The following B4GALT4 variants were observed in gnomAD, a reference collection of about 807,000 sequenced individuals.
B4GALT4 encodes N-acetyllactosamine synthase.
B4GALT4 carries 27 observed loss-of-function variants against 37.3 expected under a neutral mutation model. The observed-to-expected ratio is 0.72, with a 90% CI of 0.53 to 1.00. B4GALT4 has a LOEUF of 1.00. Among genes scored for constraint, B4GALT4 ranks in the 50% least tolerant of loss-of-function variants. B4GALT4 has a pLI of 0.00. For missense variants in B4GALT4, 372 were observed against 413.1 expected (o/e 0.90, Z 0.86); for synonymous variants, 148 against 154.1 (o/e 0.96, Z 0.29).
At chr3:119,222,690 T>C (rs10511383) in intron 5 of B4GALT4, among the ~76,000 whole-genome samples, 9,408 of 152,278 alleles carry the variant, frequency 0.062, 417 homozygotes, top group Admixed American at 0.16. Flanking sequence ...CAGTGAACTA[T>C]TGCATTTTCC....
chr3:119,211,994 C>A lies in B4GALT4; in HGVS notation c.*555G>T, dbSNP rs2078173720. ...CCTTTGCAGCCGACACTCCACCCTC[C>A]TGCTACCTCTTCATTCCCAAGTTCA... On this transcript the variant is annotated 3_prime_UTR_variant, in exon 8 of 8. Transcript: ENST00000393765. 1.7e-6 allele frequency: 1 copy of A among 599,906 alleles called. No homozygotes were observed. The highest frequency in any genetic ancestry group is 1.8e-5 in the African/African-American group (1 of 54,176). 37.2% of individuals were successfully genotyped at this position (599,906 alleles called of 1,614,324 possible).
intron 4 of B4GALT4, among the ~76,000 whole-genome samples, chr3:119,226,083 C>A (rs1482630830): frequency 6.6e-6 from 1 of 152,092 alleles, no homozygotes; most frequent in Admixed American, 6.5e-5. Flanking sequence ...TTCTTGGCCT[C>A]CTTGGATGGC....
Position 119,212,102 on chromosome 3 carries a change from A to C in B4GALT4, c.*447T>G. 2.8e-6 allele frequency: 2 copies of C among 702,304 alleles called. No homozygotes were observed. Among genetic ancestry groups the C allele is most frequent in the South Asian group, 3.0e-5 (2 of 67,446 alleles). 43.5% of individuals were successfully genotyped at this position (702,304 alleles called of 1,614,324 possible). On this transcript the variant is annotated 3_prime_UTR_variant, in exon 8 of 8. Coordinates refer to ENST00000393765, the MANE Select transcript of B4GALT4 (RefSeq NM_003778.4). Reference sequence around the variant, plus strand: ...ACCACCACTTCACAGATGATTGTACAGGATAAATGAATAACAGTATTGTAT... The same window carrying C: ...ACCACCACTTCACAGATGATTGTACCGGATAAATGAATAACAGTATTGTAT...
At chr3:119,239,158 A>C (rs892077274) in intron 1 of B4GALT4, among the ~76,000 whole-genome samples, 3 of 151,932 alleles carry the variant, frequency 2.0e-5, no homozygotes, top group African/African-American at 7.3e-5. Flanking sequence ...AAACCCCATC[A>C]CTACTAAAAA....
intron 5 of B4GALT4, 38 bp from the exon 6 acceptor site, chr3:119,218,810 C>T (rs774447063): frequency 8.1e-6 from 13 of 1,611,552 alleles, no homozygotes; most frequent in Admixed American, 1.7e-5. Context: ...TAAGAATATT[C>T]GCACCAAAGG....
At chr3:119,238,683 T>C (rs974633736) in intron 1 of B4GALT4, among the ~76,000 whole-genome samples, 2 of 152,152 alleles carry the variant, frequency 1.3e-5, no homozygotes, top group Non-Finnish European at 2.9e-5. Context: ...TATGTATGCA[T>C]ATATAGAAAA....
chr3:119,219,392 T>A (rs1400948071), intron 5 of B4GALT4, among the ~76,000 whole-genome samples: 1 of 152,196 alleles, frequency 6.6e-6, no homozygotes, highest in East Asian at 1.9e-4. Context: ...GTGCTTTTCA[T>A]GAAAATAGGC....
At chr3:119,221,421 T>C (rs997917553) in intron 5 of B4GALT4, among the ~76,000 whole-genome samples, 5 of 152,250 alleles carry the variant, frequency 3.3e-5, no homozygotes, top group African/African-American at 1.2e-4. Flanking sequence ...TGATGAGGCA[T>C]GTACTGACTT....
Position 119,218,719 on chromosome 3 carries a change from A to C in B4GALT4, c.728T>G (p.Phe243Cys). Residue 243 changes from phenylalanine (F) to cysteine (C), a missense_variant, in exon 6 of 8, where the codon TTT becomes TGT. Phe to Cys is a radical substitution (Grantham distance 205, BLOSUM62 -2). Coordinates refer to ENST00000393765, the MANE Select transcript of B4GALT4 (RefSeq NM_003778.4). ...GTTAGAGAATCCATTCACCTTGAAA[A>C]ACTGCTCTCTGCTTAGGGCAGTAAC... ...GGVTALSREQ[F>C]FKVNGFSNNY... is the part of the protein sequence containing the mutation. 6.2e-7 allele frequency: 1 copy of C among 1,614,044 alleles called. No individual in the cohort carries two copies. The highest frequency in any genetic ancestry group is 8.5e-7 in the Non-Finnish European group (1 of 1,180,012).
intron 2 of B4GALT4, chr3:119,232,499 T>G (rs2078853787): frequency 6.6e-6 from 1 of 152,262 alleles, no homozygotes. Flanking sequence ...ACATGGATAT[T>G]TCCTCTTTTC....
chr3:119,226,354 T>C lies in B4GALT4; in HGVS notation c.486+455A>G, dbSNP rs2078617835. The C allele has an allele frequency of 3.2e-5, 5 of 158,028 alleles. No individual in the cohort carries two copies. In the South Asian group the frequency reaches 9.5e-4, roughly 30 times the overall value. 9.8% of individuals were successfully genotyped at this position (158,028 alleles called of 1,614,324 possible). A position where few individuals can be genotyped will look rare whatever the true frequency, so the allele number is the denominator to read the frequency against. Reference sequence around the variant, plus strand: ...ATAGTGGCAAAGTTCAGGGCAGAAATGTGGTGGCAGCCATAGAGCACCACA... The same window carrying C: ...ATAGTGGCAAAGTTCAGGGCAGAAACGTGGTGGCAGCCATAGAGCACCACA... On this transcript the variant is annotated intron_variant, in intron 4 of 7. Transcript: ENST00000393765.
intron 1 of B4GALT4, chr3:119,240,391 C>A (rs1053604786): frequency 6.6e-6 from 1 of 152,274 alleles, no homozygotes; most frequent in African/African-American, 2.4e-5. Flanking sequence ...GGTCGCCGGC[C>A]CCTCGCAGGA....
In B4GALT4 at chr3:119,212,376, T is replaced by A. The variant is rs1029638524; in HGVS notation, c.*173A>T. ...ACTAAGAAAGCTGTCTTGTTACAAC[T>A]GTTTTATACTCTACATCACCAGGAG... is the stretch of plus-strand genomic sequence containing the variant. On this transcript the variant is annotated 3_prime_UTR_variant, in exon 8 of 8. Coordinates refer to ENST00000393765, the MANE Select transcript of B4GALT4 (RefSeq NM_003778.4). 13 of 653,276 alleles carry A rather than the reference T, an allele frequency of 2.0e-5. No individual in the cohort carries two copies. In the African/African-American group the frequency reaches 2.2e-4, roughly 11 times the overall value. 40.5% of individuals were successfully genotyped at this position (653,276 alleles called of 1,614,324 possible).
chr3:119,232,221 CACA>C (rs765465164), intron 2 of B4GALT4, among the ~76,000 whole-genome samples: 1 of 152,128 alleles, frequency 6.6e-6, no homozygotes, highest in Non-Finnish European at 1.5e-5. Flanking sequence ...GTGAAGGTAT[CACA>C]GGAAGTCAAT....
chr3:119,212,718 T>G (rs1401285751), intron 7 of B4GALT4, 37 bp from the exon 8 acceptor site: 1 of 1,546,672 alleles, frequency 6.5e-7, no homozygotes, highest in Non-Finnish European at 8.7e-7. Flanking sequence ...TGATAAGAAT[T>G]TAACATATGT....
intron 2 of B4GALT4, among the ~76,000 whole-genome samples, chr3:119,231,190 T>C (rs2078802556): frequency 6.6e-6 from 1 of 152,182 alleles, no homozygotes; most frequent in Admixed American, 6.5e-5. Context: ...TGGGATAATA[T>C]GAATTCACTT....
chr3:119,218,816 A>C (rs767520693), intron 5 of B4GALT4, 44 bp from the exon 6 acceptor site: 86 of 1,608,452 alleles, frequency 5.3e-5, no homozygotes, highest in Non-Finnish European at 7.0e-5. Context: ...TATTCGCACC[A>C]AAGGTCTCTG....
At chr3:119,213,539 CAT>C (rs1220543111) in intron 7 of B4GALT4, 6 of 152,258 alleles carry the variant, frequency 3.9e-5, no homozygotes, top group African/African-American at 9.6e-5. Context: ...GGGATACAAA[CAT>C]ATGGGAAAAC....
intron 2 of B4GALT4, chr3:119,232,614 GTC>G (rs2078858165): frequency 6.6e-6 from 1 of 152,242 alleles, no homozygotes; most frequent in African/African-American, 2.4e-5. Context: ...CCTAGGGACT[GTC>G]TGATCAAATG....
Sources: allele counts gnomAD v4.1 joint callset (sites outside exome capture counted in the v4.1 genomes callset), GRCh38; gene constraint gnomAD v4.1.1; transcripts MANE v1.5; gene names NCBI Gene and HGNC (gene_info 2026-07-23, HGNC 2026-07-21).